Variants in PALD1 observed in about 807,000 individuals in gnomAD.
PALD1 encodes the protein paladin.
A neutral mutation model predicts 96.0 loss-of-function variants in PALD1; 57 were observed. The observed-to-expected ratio is 0.59, with a 90% CI of 0.48 to 0.74. PALD1 has a LOEUF of 0.74. PALD1 is among the 30% of genes least tolerant of loss of function. The pLI, the probability that PALD1 is intolerant of heterozygous loss-of-function variation, is 0.00. For missense variants in PALD1, 1,063 were observed against 1,143.7 expected (o/e 0.93, Z 1.02); for synonymous variants, 464 against 473.6 (o/e 0.98, Z 0.26).
chr10:70,563,029 T>G (rs1250890769), intron 18 of PALD1, among the ~76,000 whole-genome samples: 2 of 152,156 alleles, frequency 1.3e-5, no homozygotes, highest in Non-Finnish European at 2.9e-5. Flanking sequence ...CCATAACGTG[T>G]AACCTTAGCT....
Position 70,537,146 on chromosome 10 carries a change from C to T in PALD1, c.1228-665C>T, listed in dbSNP as rs1287064558. ...TTTTTGAGACAGGGTCTCACTTTGT[C>T]ATCTGGGCTGGAGTGCAACGGTGAG... On this transcript the variant is annotated intron_variant, in intron 10 of 19. Coordinates refer to ENST00000263563, the MANE Select transcript of PALD1 (RefSeq NM_014431.3). Among the ~76,000 whole-genome samples the T allele has an allele frequency of 4.9e-4, 74 of 150,918 alleles. 1 individual carries two copies. Among genetic ancestry groups the T allele is most frequent in the Admixed American group, 4.8e-3 (73 of 15,188 alleles).
At chr10:70,500,461 C>T (rs1846272550) in intron 1 of PALD1, among the ~76,000 whole-genome samples, 1 of 152,218 alleles carries the variant, frequency 6.6e-6, no homozygotes, top group Non-Finnish European at 1.5e-5. Context: ...TCTGGCCTCA[C>T]AAGCACCTTA....
At chr10:70,494,015 A>G (rs1472412643) in intron 1 of PALD1, among the ~76,000 whole-genome samples, 1 of 152,196 alleles carries the variant, frequency 6.6e-6, no homozygotes, top group East Asian at 1.9e-4. Flanking sequence ...CCAGGACACC[A>G]TCATCCAATA....
At chr10:70,489,284 G>C (rs1019947524) in intron 1 of PALD1, among the ~76,000 whole-genome samples, 20 of 152,254 alleles carry the variant, frequency 1.3e-4, no homozygotes, top group African/African-American at 4.6e-4. Flanking sequence ...CAGCCAGTGG[G>C]GTCCCAGGTG....
At chr10:70,554,833 T>C (rs1188449292) in intron 18 of PALD1, among the ~76,000 whole-genome samples, 2 of 148,410 alleles carry the variant, frequency 1.3e-5, no homozygotes, top group Non-Finnish European at 1.5e-5. Flanking sequence ...GGAAACATCC[T>C]CTGGTCTCAA....
rs1846396073 is a variant in PALD1, at chr10:70,506,584, T to G, written c.-29-19339T>G. Reference sequence around the variant, plus strand: ...ACCTGAGTGACACTGCCTGGGGGAGTGGAGGTGGAAGCCATTGGGTTAAGA... The same window carrying G: ...ACCTGAGTGACACTGCCTGGGGGAGGGGAGGTGGAAGCCATTGGGTTAAGA... On this transcript the variant is annotated intron_variant, in intron 1 of 19. Transcript: ENST00000263563. Among the ~76,000 whole-genome samples, 2 of 151,790 alleles carry G rather than the reference T, an allele frequency of 1.3e-5. 1 individual carries two copies. The highest frequency in any genetic ancestry group is 2.9e-5 in the Non-Finnish European group (2 of 67,992).
intron 1 of PALD1, among the ~76,000 whole-genome samples, chr10:70,519,425 G>T (rs1846683106): frequency 6.6e-6 from 1 of 151,986 alleles, no homozygotes; most frequent in Admixed American, 6.6e-5. Flanking sequence ...ATCCTCAGAT[G>T]GTGTGACCAG....
chr10:70,492,448 C>CTCT, intron 1 of PALD1, among the ~76,000 whole-genome samples: 1 of 80,166 alleles, frequency 1.2e-5, no homozygotes, highest in East Asian at 4.7e-4. Flanking sequence ...GCATTTTTGA[C>CTCT]TTTTTTTTTT....
intron 1 of PALD1, among the ~76,000 whole-genome samples, chr10:70,497,413 G>A (rs532964707): frequency 6.6e-5 from 10 of 152,304 alleles, no homozygotes; most frequent in East Asian, 5.8e-4. Context: ...CCGAGGTAGC[G>A]TTTGGGTCAT....
rs528308740 is a variant in PALD1 at position 70,479,391 on chromosome 10, A to T, written c.-30+332A>T. Among the ~76,000 whole-genome samples the T allele has an allele frequency of 2.0e-3, 309 of 152,164 alleles. 3 individuals carry two copies. Among genetic ancestry groups the T allele is most frequent in the African/African-American group, 7.2e-3 (297 of 41,512 alleles). On this transcript the variant is annotated intron_variant, in intron 1 of 19. Transcript: ENST00000263563. ...AGGAGCTAGGGTTTCCCGCGAAGTT[A>T]GGGGGAGATTGGGGAGAGGGAAGCC...
the PALD1 span, among the ~76,000 whole-genome samples, chr10:70,471,836 T>C: frequency 6.6e-6 from 1 of 152,238 alleles, no homozygotes; most frequent in East Asian, 1.9e-4. Flanking sequence ...GCTTAGGTTC[T>C]TTGAGGCTCA....
chr10:70,526,812 C>T (rs370815421), intron 2 of PALD1, among the ~76,000 whole-genome samples: 1 of 152,206 alleles, frequency 6.6e-6, no homozygotes, highest in Admixed American at 6.5e-5. Context: ...GTACTTTCCA[C>T]ACCTCTGCCC....
chr10:70,566,816 T>A lies in PALD1; in HGVS notation c.*83T>A. The A allele has an allele frequency of 1.1e-6, 1 of 880,440 alleles. No individual in the cohort carries two copies. Among genetic ancestry groups the A allele is most frequent in the Non-Finnish European group, 1.7e-6 (1 of 585,732 alleles). The allele number at this position is 880,440 out of a possible 1,614,324, so 54.5% of individuals were successfully genotyped here. On this transcript the variant is annotated 3_prime_UTR_variant, in exon 20 of 20. Transcript: ENST00000263563. ...AGGTGCTCTTGGCTGGGAGCGGCCC[T>A]GAGGGGTGCTGGCCTTGAAATGATT... is the stretch of plus-strand genomic sequence containing the variant.
At chr10:70,462,643 C>T in the PALD1 span, among the ~76,000 whole-genome samples, 185 of 152,342 alleles carry the variant, frequency 1.2e-3, 4 homozygotes, top group East Asian at 0.031. Flanking sequence ...CGTGAGCTGG[C>T]CAAGGTGCCT....
intron 1 of PALD1, among the ~76,000 whole-genome samples, chr10:70,518,139 G>A (rs1355386753): frequency 2.0e-5 from 3 of 152,200 alleles, no homozygotes; most frequent in East Asian, 1.9e-4. Flanking sequence ...CCAACCTCAG[G>A]TGATCCGCCC....
intron 8 of PALD1, 101 bp downstream of exon 8, chr10:70,534,174 C>A: frequency 7.4e-7 from 1 of 1,350,598 alleles, no homozygotes; most frequent in Non-Finnish European, 9.9e-7. Flanking sequence ...AGAGCCAGAG[C>A]TGGAAATTTG....
intron 1 of PALD1, among the ~76,000 whole-genome samples, chr10:70,505,862 A>G (rs1032893406): frequency 3.3e-5 from 5 of 151,668 alleles, no homozygotes; most frequent in African/African-American, 1.2e-4. Context: ...ATCTACCCAA[A>G]ATACAAAAGT....
At chr10:70,469,337 C>A in the PALD1 span, among the ~76,000 whole-genome samples, 1 of 152,168 alleles carries the variant, frequency 6.6e-6, no homozygotes, top group African/African-American at 2.4e-5. Context: ...TCGTGTAACC[C>A]CTCCACCAGT....
At chr10:70,552,433 T>A (rs1446703208) in intron 18 of PALD1, among the ~76,000 whole-genome samples, 1 of 152,196 alleles carries the variant, frequency 6.6e-6, no homozygotes, top group Non-Finnish European at 1.5e-5. Flanking sequence ...GAAGTAGAAT[T>A]ACTGAATGAG....
Sources: allele counts gnomAD v4.1 joint callset (sites outside exome capture counted in the v4.1 genomes callset), GRCh38; gene constraint gnomAD v4.1.1; transcripts MANE v1.5; gene names NCBI Gene and HGNC (gene_info 2026-07-23, HGNC 2026-07-21).